The following AFF2 variants were observed in gnomAD, a reference collection of about 807,000 sequenced individuals.
AFF2 encodes AF4/FMR2 family member 2.
In AFF2, 14 loss-of-function variants were observed where a neutral mutation model predicts 76.9. The ratio of observed to expected loss-of-function variants is 0.18; its 90% CI spans 0.12 to 0.28. The LOEUF (loss-of-function observed/expected upper bound fraction) is 0.28. AFF2 is among the 10% of genes least tolerant of loss of function. AFF2 has a pLI of 1.00. For synonymous variants in AFF2, 398 were observed against 366.7 expected (o/e 1.09, Z -0.98); for missense variants, 868 against 1,001.1 (o/e 0.87, Z 1.79).
chrX:148,854,511 C>T (rs549131613), intron 7 of AFF2, among the ~76,000 whole-genome samples: 4 of 111,387 alleles, frequency 3.6e-5, no homozygotes, highest in African/African-American at 1.3e-4. Flanking sequence ...CCCAGAAAAA[C>T]CCCAGTGGCC....
At chrX:148,792,704 AC>A (rs2069914325) in intron 3 of AFF2, among the ~76,000 whole-genome samples, 1 of 112,355 alleles carries the variant, frequency 8.9e-6, no homozygotes, top group South Asian at 3.6e-4. Flanking sequence ...CCTGAAGGTT[AC>A]TGTTAGGCTA....
At chrX:148,837,594 G>T in intron 4 of AFF2, 53 bp from the exon 5 acceptor site, 2 of 739,588 alleles carry the variant, frequency 2.7e-6, no homozygotes, top group East Asian at 6.3e-5. Flanking sequence ...GCTAAGAAAG[G>T]GCTTGATTTT....
intron 3 of AFF2, among the ~76,000 whole-genome samples, chrX:148,728,206 A>C (rs781933701): frequency 5.3e-5 from 6 of 112,422 alleles, no homozygotes; most frequent in Non-Finnish European, 9.4e-5. Context: ...GCAAATCTTT[A>C]GCCTTAGCCT....
intron 3 of AFF2, among the ~76,000 whole-genome samples, chrX:148,685,868 A>G (rs987612967): frequency 9.1e-6 from 1 of 110,420 alleles, no homozygotes; most frequent in Admixed American, 9.8e-5. Flanking sequence ...GTGAAAATAT[A>G]TTACATTGTC....
chrX:148,738,637 G>A (rs781899113), intron 3 of AFF2, among the ~76,000 whole-genome samples: 1 of 110,608 alleles, frequency 9.0e-6, no homozygotes, highest in Non-Finnish European at 1.9e-5. Flanking sequence ...TCTGATCTTG[G>A]TTATTTTCTT....
intron 3 of AFF2, among the ~76,000 whole-genome samples, chrX:148,741,467 G>A (rs370620180): frequency 1.2e-4 from 13 of 110,849 alleles, no homozygotes; most frequent in Middle Eastern, 4.6e-3. Context: ...AAACTGAATG[G>A]TCAGTCTCAC....
At chrX:148,555,872 T>C (rs1557239597) in intron 1 of AFF2, among the ~76,000 whole-genome samples, 1 of 112,643 alleles carries the variant, frequency 8.9e-6, no homozygotes, top group Non-Finnish European at 1.9e-5. Flanking sequence ...TTAGGTTTTG[T>C]TTAAATGAGT....
intron 1 of AFF2, among the ~76,000 whole-genome samples, chrX:148,642,622 C>T (rs1325668815): frequency 2.7e-5 from 3 of 111,604 alleles, no homozygotes; most frequent in Admixed American, 1.9e-4. Flanking sequence ...GAACTTGGGA[C>T]GTGGCGCATG....
Position 148,882,097 on chromosome X carries a change from A to G in AFF2, c.1263-3792A>G, listed in dbSNP as rs2071103617. 2.7e-5 allele frequency among the ~76,000 whole-genome samples: 3 copies of G among 111,636 alleles called. 1 individual carries two copies. The South Asian group carries it at 1.1e-3, about 42-fold the overall frequency. ...CCTCTATTTTTCCCTCTTCAAAATC[A>G]TCTAAGCATTCCACTATGTAAATTG... On this transcript the variant is annotated intron_variant, in intron 7 of 20. Coordinates refer to ENST00000370460, the MANE Select transcript of AFF2 (RefSeq NM_002025.4).
chrX:148,516,808 G>T (rs1293252474), intron 1 of AFF2, among the ~76,000 whole-genome samples: 1 of 111,500 alleles, frequency 9.0e-6, no homozygotes, highest in Non-Finnish European at 1.9e-5. Flanking sequence ...CTCAACGTTG[G>T]CCCCCTCTGA....
chrX:148,782,503 A>T (rs886180982), intron 3 of AFF2, among the ~76,000 whole-genome samples: 1 of 112,324 alleles, frequency 8.9e-6, no homozygotes, highest in Non-Finnish European at 1.9e-5. Flanking sequence ...AAGACAAATC[A>T]GATTCACAGT....
chrX:148,707,307 C>T (rs1288129930), intron 3 of AFF2, among the ~76,000 whole-genome samples: 1 of 110,717 alleles, frequency 9.0e-6, no homozygotes, highest in African/African-American at 3.3e-5. Context: ...ATCTTTTATT[C>T]AGTTTTATCT....
intron 9 of AFF2, among the ~76,000 whole-genome samples, chrX:148,918,069 C>T (rs1201804500): frequency 8.9e-6 from 1 of 112,032 alleles, no homozygotes; most frequent in Non-Finnish European, 1.9e-5. Context: ...GAAGAACATA[C>T]TCCAGAGGAG....
intron 1 of AFF2, among the ~76,000 whole-genome samples, chrX:148,590,498 A>C (rs1173754313): frequency 3.6e-5 from 4 of 111,560 alleles, no homozygotes; most frequent in African/African-American, 1.3e-4. Flanking sequence ...AGCCCCTGAG[A>C]CATCAGTGGT....
intron 1 of AFF2, among the ~76,000 whole-genome samples, chrX:148,594,246 G>T (rs2053549639): frequency 9.0e-6 from 1 of 111,199 alleles, no homozygotes; most frequent in Admixed American, 9.6e-5. Flanking sequence ...AGCTAGTCAG[G>T]ACTTACTCGG....
intron 9 of AFF2, among the ~76,000 whole-genome samples, chrX:148,912,386 C>T (rs1417154792): frequency 5.4e-5 from 6 of 111,252 alleles, no homozygotes; most frequent in African/African-American, 2.0e-4. Flanking sequence ...ATAAATACTG[C>T]ATATTTTTAG....
rs144985699 is a variant in AFF2 at position 148,762,480 on chromosome X, A to ATGTGTGTGTGTG, written c.1042-47378_1042-47367dup. ...ATATATTATGTGTGTACATATGTATATGTGTGTGTGTGTGTGTGTGTGTGT... is the reference window on the plus strand; with the variant it reads ...ATATATTATGTGTGTACATATGTATATGTGTGTGTGTGTGTGTGTGTGTGTGTGTGTGTGTGT... On this transcript the variant is annotated intron_variant, in intron 3 of 20. Coordinates refer to ENST00000370460, the MANE Select transcript of AFF2 (RefSeq NM_002025.4). Among the ~76,000 whole-genome samples the ATGTGTGTGTGTG allele has an allele frequency of 1.8e-3, 168 of 92,560 alleles. 1 individual carries two copies. The highest frequency in any genetic ancestry group is 6.3e-3 in the African/African-American group (141 of 22,262). 80.4% of individuals were successfully genotyped at this position (92,560 alleles called of 115,157 possible).
intron 1 of AFF2, among the ~76,000 whole-genome samples, chrX:148,609,034 T>C (rs1246404378): frequency 9.0e-6 from 1 of 111,489 alleles, no homozygotes; most frequent in Admixed American, 9.5e-5. Context: ...CATGCTGACA[T>C]TGACTTTCCT....
intron 1 of AFF2, among the ~76,000 whole-genome samples, chrX:148,593,487 G>C (rs73638167): frequency 0.026 from 2,956 of 111,560 alleles, 102 homozygotes; most frequent in African/African-American, 0.092. Context: ...CCCTGTATAG[G>C]AATGTTTTCA....
Sources: allele counts gnomAD v4.1 joint callset (sites outside exome capture counted in the v4.1 genomes callset), GRCh38; gene constraint gnomAD v4.1.1; transcripts MANE v1.5; gene names NCBI Gene and HGNC (gene_info 2026-07-23, HGNC 2026-07-21).